Variants in SLC22A25 observed in about 807,000 individuals in gnomAD.
The protein encoded by SLC22A25 is MGI:2442751, MGI:2385316, MGI:3042283, MGI:3645714, MGI:3605624, MGI:2442750.
A neutral mutation model predicts 45.9 loss-of-function variants in SLC22A25; 44 were observed. The ratio of observed to expected loss-of-function variants is 0.96; its 90% confidence interval spans 0.75 to 1.23. The LOEUF (loss-of-function observed/expected upper bound fraction) is 1.23. SLC22A25 is among the 50% of genes most tolerant of loss of function. The probability of loss-of-function intolerance (pLI) is 0.00; values close to 1 mark genes in which losing one functional copy is unlikely to be tolerated. For synonymous variants in SLC22A25, 283 were observed against 238.6 expected, an observed-to-expected ratio of 1.19 and a Z score of -1.72; for missense variants, 800 against 666.4, an observed-to-expected ratio of 1.20 and a Z score of -2.21.
At position 63,242,227 on chromosome 11, in the gene SLC22A25, A is replaced by C. The variant is rs1339317091; in HGVS notation, c.-996+1207T>G. 3.3e-5 allele frequency among the ~76,000 whole-genome samples: 5 copies of C among 152,180 alleles called. No homozygotes were observed. In the East Asian group the frequency reaches 7.7e-4, roughly 23 times the overall value. ...ATTCTACTTTCAGAGAGCAGGTGGA[A>C]AAAACCACACACCGAAAACCACATA... On this transcript the variant is annotated intron_variant, in intron 1 of 11. Coordinates refer to ENST00000306494, the MANE Select transcript of SLC22A25 (RefSeq NM_199352.6).
chr11:63,164,166 T>G, intron 11 of SLC22A25, 93 bp from the exon 12 acceptor site: 1 of 1,459,128 alleles, frequency 6.9e-7, no homozygotes, highest in East Asian at 2.3e-5. Context: ...GATGAGCACT[T>G]AAACACATGG....
At chr11:63,217,505 T>A in intron 6 of SLC22A25, 23 bp from the exon 7 acceptor site, 5 of 1,612,290 alleles carry the variant, frequency 3.1e-6, no homozygotes, top group Non-Finnish European at 4.2e-6. Context: ...ACAAACAAGA[T>A]TTAGCTTTAA....
At chr11:63,212,742 T>C (rs1469096857) in intron 7 of SLC22A25, among the ~76,000 whole-genome samples, 2 of 151,608 alleles carry the variant, frequency 1.3e-5, no homozygotes, top group Non-Finnish European at 2.9e-5. Context: ...ACATGGCTTA[T>C]GTATACATAT....
intron 7 of SLC22A25, among the ~76,000 whole-genome samples, chr11:63,213,002 G>A (rs2134805541): frequency 6.6e-6 from 1 of 152,286 alleles, no homozygotes; most frequent in African/African-American, 2.4e-5. Flanking sequence ...AGTGTCCAAG[G>A]ACAAGGCAAA....
intron 9 of SLC22A25, among the ~76,000 whole-genome samples, chr11:63,177,351 A>AGTGTGTGT (rs58040188): frequency 3.1e-4 from 47 of 149,772 alleles, no homozygotes; most frequent in African/African-American, 9.8e-4. Context: ...TCATCATTTG[A>AGTGTGTGT]GTGTGTGTGT....
intron 5 of SLC22A25, 118 bp from the exon 6 acceptor site, chr11:63,217,853 A>T: frequency 8.1e-7 from 1 of 1,229,416 alleles, no homozygotes. Context: ...TTTACACTTA[A>T]AACGTTAAAG....
At position 63,163,777 on chromosome 11, in the gene SLC22A25, TGGGGGATGGTAG is replaced by T; in HGVS notation, c.*35_*46del. 6.4e-7 allele frequency: 1 copy of T among 1,563,392 alleles called. No individual in the cohort carries two copies. Among genetic ancestry groups the T allele is most frequent in the African/African-American group, 1.4e-5 (1 of 73,404 alleles). ...GGAATAGCCCAGATCTAAGCCTTTT[TGGGGGATGGTAG>T]CCCTAAATGGTGTTTTGCTTTCCTC... On this transcript the variant is annotated 3_prime_UTR_variant, in exon 12 of 12. Coordinates refer to ENST00000306494, the MANE Select transcript of SLC22A25 (RefSeq NM_199352.6).
intron 2 of SLC22A25, among the ~76,000 whole-genome samples, chr11:63,238,313 T>G (rs2090196339): frequency 6.6e-6 from 1 of 152,218 alleles, no homozygotes; most frequent in African/African-American, 2.4e-5. Flanking sequence ...TTAAAAAATT[T>G]AATGATTCGT....
intron 3 of SLC22A25, among the ~76,000 whole-genome samples, chr11:63,235,250 G>A (rs2090143666): frequency 6.6e-6 from 1 of 152,146 alleles, no homozygotes; most frequent in Non-Finnish European, 1.5e-5. Flanking sequence ...TTCCAACTTG[G>A]TTCCATTCTC....
intron 9 of SLC22A25, among the ~76,000 whole-genome samples, chr11:63,169,306 T>G (rs562041400): frequency 4.5e-4 from 69 of 152,292 alleles, no homozygotes; most frequent in African/African-American, 1.7e-3. Context: ...CAGGATCAAA[T>G]TAAACATAAC....
In SLC22A25 at chr11:63,162,466, T is replaced by C. The variant is rs1354346376; in HGVS notation, c.*1358A>G. Among the ~76,000 whole-genome samples the C allele has an allele frequency of 6.6e-6, 1 of 152,178 alleles. No individual in the cohort carries two copies. Among genetic ancestry groups the C allele is most frequent in the Admixed American group, 6.5e-5 (1 of 15,270 alleles). Reference sequence around the variant, plus strand: ...GTATATGGTGAGAGAGTTCTAGTTTTATTCTTCTGCATATGGATATCCAGT... The same window carrying C: ...GTATATGGTGAGAGAGTTCTAGTTTCATTCTTCTGCATATGGATATCCAGT... On this transcript the variant is annotated 3_prime_UTR_variant, in exon 12 of 12. Transcript: ENST00000306494.
In SLC22A25 at chr11:63,229,176, G is replaced by A. The variant is rs2090020707; in HGVS notation, c.402+75C>T. The A allele has an allele frequency of 2.7e-5, 39 of 1,421,122 alleles. No homozygotes were observed. The South Asian group carries it at 6.3e-4, about 23-fold the overall frequency. 88.0% of individuals were successfully genotyped at this position (1,421,122 alleles called of 1,614,324 possible). A position where few individuals can be genotyped will look rare whatever the true frequency, so the allele number is the denominator to read the frequency against. ...AAGCACCTACATGTGACTAAAGGCT[G>A]GAAGCACAATCATTTCTTGTGTTAT... On this transcript the variant is annotated intron_variant, in intron 4 of 11. Transcript: ENST00000306494.
intron 7 of SLC22A25, among the ~76,000 whole-genome samples, chr11:63,216,213 C>CAAAA (rs2089706777): frequency 1.3e-5 from 2 of 152,112 alleles, no homozygotes; most frequent in African/African-American, 4.8e-5. Context: ...AATAACAAGT[C>CAAAA]AAAAAGTAAC....
intron 10 of SLC22A25, 115 bp from the exon 11 acceptor site, chr11:63,164,749 G>A (rs981284703): frequency 5.2e-6 from 4 of 770,384 alleles, no homozygotes; most frequent in Non-Finnish European, 8.8e-6. Flanking sequence ...AAAATGTACT[G>A]TAGGAAAACT....
intron 5 of SLC22A25, among the ~76,000 whole-genome samples, chr11:63,226,554 C>T (rs1319762155): frequency 1.3e-5 from 2 of 152,310 alleles, no homozygotes; most frequent in South Asian, 2.1e-4. Flanking sequence ...CAAAAACTCC[C>T]TGAGGCCACT....
intron 3 of SLC22A25, among the ~76,000 whole-genome samples, chr11:63,234,191 T>C (rs905512501): frequency 2.0e-5 from 3 of 152,206 alleles, no homozygotes; most frequent in African/African-American, 7.2e-5. Context: ...CTGGATATCC[T>C]TGTTAACTTT....
At chr11:63,168,648 C>T (rs150437898) in intron 9 of SLC22A25, among the ~76,000 whole-genome samples, 1 of 152,162 alleles carries the variant, frequency 6.6e-6, no homozygotes, top group East Asian at 1.9e-4. Flanking sequence ...ACCAAGCCTC[C>T]AAGAAATATG....
chr11:63,187,400 C>A (rs2088601953), intron 7 of SLC22A25, among the ~76,000 whole-genome samples: 1 of 152,060 alleles, frequency 6.6e-6, no homozygotes, highest in Non-Finnish European at 1.5e-5. Flanking sequence ...TATTTTATAT[C>A]CTGAGACTTT....
chr11:63,243,015 AC>A (rs2090275523), intron 1 of SLC22A25: 1 of 155,574 alleles, frequency 6.4e-6, no homozygotes, highest in Admixed American at 6.4e-5. Flanking sequence ...CCCCTCCAAA[AC>A]AAAAACAAAA....
Sources: gnomAD v4.1 joint callset for allele counts (sites outside exome capture counted in the v4.1 genomes callset) on GRCh38, gnomAD v4.1.1 for gene constraint, MANE v1.5 for transcripts, NCBI Gene and HGNC (gene_info 2026-07-23, HGNC 2026-07-21) for gene names.